FRMD4A: variants seen among roughly 807,000 people sequenced by gnomAD.
The protein encoded by FRMD4A is FERM domain-containing protein 4A.
A neutral mutation model predicts 129.1 loss-of-function variants in FRMD4A; 29 were observed. The observed-to-expected ratio is 0.22, with a 90% CI of 0.17 to 0.31. The LOEUF (loss-of-function observed/expected upper bound fraction) is 0.31. Ranked by LOEUF, FRMD4A falls within the 10% of genes least tolerant of loss-of-function variation. FRMD4A has a pLI of 1.00. For missense variants in FRMD4A, 1,272 were observed against 1,375.8 expected (o/e 0.92, Z 1.19); for synonymous variants, 634 against 571.6 (o/e 1.11, Z -1.56).
chr10:13,994,682 C>T (rs4564218), intron 2 of FRMD4A, among the ~76,000 whole-genome samples: 43,496 of 152,066 alleles, frequency 0.29, 7,378 homozygotes, highest in East Asian at 0.73. Flanking sequence ...TCACTCTGTT[C>T]CTCTCTCACA....
At chr10:14,015,790 A>G (rs1309512554) in intron 2 of FRMD4A, among the ~76,000 whole-genome samples, 2 of 152,224 alleles carry the variant, frequency 1.3e-5, no homozygotes, top group Non-Finnish European at 2.9e-5. Flanking sequence ...GGCATATTCT[A>G]TTACAGGCAC....
intron 2 of FRMD4A, among the ~76,000 whole-genome samples, chr10:13,950,226 A>G (rs776779939): frequency 1.3e-5 from 2 of 152,224 alleles, no homozygotes; most frequent in Non-Finnish European, 2.9e-5. Context: ...CGGAGGCAAA[A>G]AAAGAAAGGG....
At chr10:14,090,562 C>T (rs947280248) in intron 2 of FRMD4A, among the ~76,000 whole-genome samples, 4 of 152,214 alleles carry the variant, frequency 2.6e-5, no homozygotes, top group Non-Finnish European at 5.9e-5. Context: ...AGCCAGGCAG[C>T]ATCCCCCCAG....
intron 2 of FRMD4A, among the ~76,000 whole-genome samples, chr10:13,893,072 TGTCACCCAGGCTGGA>T (rs1017432980): frequency 2.6e-5 from 4 of 152,042 alleles, no homozygotes; most frequent in African/African-American, 9.7e-5. Flanking sequence ...AGTTTCACTC[TGTCACCCAGGCTGGA>T]GTGTGATGGT....
At position 14,034,773 on chromosome 10, in the gene FRMD4A, G is replaced by C. The variant is rs546905642; in HGVS notation, c.46-175861C>G. Reference sequence around the variant, plus strand: ...AATGGCAGTGCTGTGCCTGACACCAGGTTCATGCATCTTCACACAGGCCGT... The same window carrying C: ...AATGGCAGTGCTGTGCCTGACACCACGTTCATGCATCTTCACACAGGCCGT... On this transcript the variant is annotated intron_variant, in intron 2 of 24. Transcript: ENST00000357447. Among the ~76,000 whole-genome samples the C allele has an allele frequency of 2.0e-5, 3 of 152,284 alleles. No individual in the cohort carries two copies. In the South Asian group the frequency reaches 6.2e-4, roughly 32 times the overall value.
At chr10:14,096,667 C>T (rs1049526033) in intron 2 of FRMD4A, among the ~76,000 whole-genome samples, 6 of 152,172 alleles carry the variant, frequency 3.9e-5, no homozygotes, top group South Asian at 4.1e-4. Flanking sequence ...ACTCACTTTG[C>T]TTGGCCATGA....
intron 2 of FRMD4A, among the ~76,000 whole-genome samples, chr10:14,274,196 G>A (rs906220901): frequency 1.3e-5 from 2 of 152,176 alleles, no homozygotes; most frequent in African/African-American, 4.8e-5. Flanking sequence ...GCCGCCACTG[G>A]CCATCATCTC....
chr10:13,696,799 C>T (rs976651909), intron 14 of FRMD4A, among the ~76,000 whole-genome samples: 3 of 152,210 alleles, frequency 2.0e-5, no homozygotes, highest in African/African-American at 4.8e-5. Flanking sequence ...GAATCACTAT[C>T]GGACTTTGAC....
chr10:14,055,474 C>CAA (rs1565216321), intron 2 of FRMD4A, among the ~76,000 whole-genome samples: 3 of 134,880 alleles, frequency 2.2e-5, no homozygotes, highest in African/African-American at 1.0e-4. Context: ...CACACACACA[C>CAA]ACACACACAC....
chr10:14,092,356 G>GACC (rs1836709919), intron 2 of FRMD4A, among the ~76,000 whole-genome samples: 1 of 152,244 alleles, frequency 6.6e-6, no homozygotes. Flanking sequence ...ACACTCTGGT[G>GACC]TCTTCAGGCA....
intron 2 of FRMD4A, among the ~76,000 whole-genome samples, chr10:13,937,533 G>A (rs942112039): frequency 3.9e-5 from 6 of 152,074 alleles, no homozygotes; most frequent in Non-Finnish European, 5.9e-5. Flanking sequence ...GTTTAGACCC[G>A]CCTCAAATTG....
intron 2 of FRMD4A, among the ~76,000 whole-genome samples, chr10:14,233,869 T>G (rs1215153067): frequency 6.6e-6 from 1 of 152,242 alleles, no homozygotes; most frequent in African/African-American, 2.4e-5. Flanking sequence ...TAATTCAGCA[T>G]GTAAAAGGCT....
chr10:13,950,029 C>T (rs965663696), intron 2 of FRMD4A, among the ~76,000 whole-genome samples: 2 of 152,254 alleles, frequency 1.3e-5, no homozygotes, highest in Non-Finnish European at 1.5e-5. Context: ...TCATTAGCCA[C>T]ATTACTGACT....
chr10:13,705,331 A>G (rs2087313203), intron 13 of FRMD4A, among the ~76,000 whole-genome samples: 1 of 152,194 alleles, frequency 6.6e-6, no homozygotes, highest in South Asian at 2.1e-4. Flanking sequence ...CAATAGGGCG[A>G]CAGACGCACA....
chr10:13,718,663 C>G (rs187347484), intron 12 of FRMD4A, among the ~76,000 whole-genome samples: 1 of 152,222 alleles, frequency 6.6e-6, no homozygotes, highest in Admixed American at 6.5e-5. Flanking sequence ...CTTGGGGAAA[C>G]TGAATTGTGG....
At chr10:14,016,287 T>C (rs891481722) in intron 2 of FRMD4A, among the ~76,000 whole-genome samples, 3 of 152,220 alleles carry the variant, frequency 2.0e-5, no homozygotes, top group Non-Finnish European at 4.4e-5. Context: ...TCAATCTTCA[T>C]CATAGCGAGC....
In FRMD4A at chr10:13,656,832, C is replaced by T. The variant is rs747606415; in HGVS notation, c.2757G>A (p.Ala919=). The T allele has an allele frequency of 1.9e-6, 3 of 1,544,420 alleles. No homozygotes were observed. The highest frequency in any genetic ancestry group is 2.5e-5 in the East Asian group (1 of 39,226). Residue 919 remains alanine, a synonymous_variant, in exon 22 of 25, where the codon GCG becomes GCA. Coordinates refer to ENST00000357447, the MANE Select transcript of FRMD4A (RefSeq NM_018027.5). Reference sequence around the variant, plus strand: ...GCTCGTCTGAGACGGCGGCACGGCCCGCGCCCTTGTCGTGGGCGCCCTCGC... The same window carrying T: ...GCTCGTCTGAGACGGCGGCACGGCCTGCGCCCTTGTCGTGGGCGCCCTCGC... ...LGREGAHDKG[A]GRAAVSDELR... is the part of the protein sequence containing the mutation.
At position 13,745,907 on chromosome 10, in the gene FRMD4A, C is replaced by T. The variant is rs538866537; in HGVS notation, c.548+1829G>A. Among the ~76,000 whole-genome samples, 451 of 152,180 alleles carry T rather than the reference C, an allele frequency of 3.0e-3. 2 individuals carry two copies. Among genetic ancestry groups the T allele is most frequent in the African/African-American group, 0.01 (418 of 41,516 alleles). ...GAATTAGGGAGGTGGGTAATAGGGT[C>T]CATGAACAAGGAAACGGGACCATCA... On this transcript the variant is annotated intron_variant, in intron 9 of 24. Coordinates refer to ENST00000357447, the MANE Select transcript of FRMD4A (RefSeq NM_018027.5).
At chr10:13,879,751 CCCT>C (rs1418140039) in intron 2 of FRMD4A, among the ~76,000 whole-genome samples, 9 of 116,696 alleles carry the variant, frequency 7.7e-5, no homozygotes, top group African/African-American at 9.7e-5. Flanking sequence ...CCCTTCTCCC[CCCT>C]CCCCCTCCCC....
Sources: gnomAD v4.1 joint callset for allele counts (sites outside exome capture counted in the v4.1 genomes callset) on GRCh38, gnomAD v4.1.1 for gene constraint, MANE v1.5 for transcripts, NCBI Gene and HGNC (gene_info 2026-07-23, HGNC 2026-07-21) for gene names.